The following ARMC2 variants were observed in gnomAD, a reference collection of about 807,000 sequenced individuals.
ARMC2 encodes the protein armadillo repeat containing 2.
In ARMC2, 67 loss-of-function variants were observed where a neutral mutation model predicts 90.3. That is an observed-to-expected ratio of 0.74 (90% CI 0.61 to 0.91). ARMC2 has a LOEUF of 0.91. ARMC2 is among the 40% of genes least tolerant of loss of function. The pLI is 0.00. For missense variants in ARMC2, 920 were observed against 1,030.9 expected (o/e 0.89, Z 1.47); for synonymous variants, 393 against 393.0 (o/e 1.00, Z 0.00).
chr6:108,932,774 C>CCT lies in ARMC2; in HGVS notation c.1497-4126_1497-4125insCT, dbSNP rs1562403496. On this transcript the variant is annotated intron_variant, in intron 11 of 17. Transcript: ENST00000392644. The stretch of plus-strand genomic sequence containing the variant: ...CGATCTCCTGACCTCGTGATCTGCC[C>CCT]GCCTCGGCCTCCCAAAGTGCTGGGA... 5.4e-3 allele frequency among the ~76,000 whole-genome samples: 823 copies of CCT among 151,388 alleles called. 18 individuals are homozygous for CCT. The highest frequency in any genetic ancestry group is 0.019 in the African/African-American group (790 of 40,890).
chr6:109,009,213 G>A, the ARMC2 span: 2 of 837,178 alleles, frequency 2.4e-6, no homozygotes, highest in Admixed American at 4.3e-5. Context: ...CTCCCCGGGA[G>A]CCCGCCCTAT....
chr6:108,999,567 T>TAACA, the ARMC2 span, among the ~76,000 whole-genome samples: 1 of 152,116 alleles, frequency 6.6e-6, no homozygotes, highest in Non-Finnish European at 1.5e-5. Flanking sequence ...TAAAGATGCA[T>TAACA]AACAATGAGA....
intron 1 of ARMC2, among the ~76,000 whole-genome samples, chr6:108,850,207 A>C (rs1304658358): frequency 2.0e-5 from 3 of 152,208 alleles, no homozygotes; most frequent in Admixed American, 6.5e-5. Context: ...CAAATTTCCT[A>C]CTGCTGGTGG....
At chr6:108,890,957 C>T (rs1260151295) in intron 5 of ARMC2, among the ~76,000 whole-genome samples, 2 of 117,564 alleles carry the variant, frequency 1.7e-5, no homozygotes, top group Non-Finnish European at 3.2e-5. Flanking sequence ...TCTCTGTGTT[C>T]ATGTGTTCTC....
intron 10 of ARMC2, among the ~76,000 whole-genome samples, chr6:108,926,426 A>G (rs1037001614): frequency 1.3e-5 from 2 of 152,228 alleles, no homozygotes; most frequent in Non-Finnish European, 2.9e-5. Context: ...ATTAGTCTTC[A>G]CAAAAGATCT....
rs147323539 is a variant in ARMC2 at position 108,863,079 on chromosome 6, C to T, written c.291+4808C>T. Among the ~76,000 whole-genome samples the T allele has an allele frequency of 1.0e-3, 152 of 152,302 alleles. No homozygotes were observed. The Middle Eastern group carries it at 0.01, about 10-fold the overall frequency. Reference sequence around the variant, plus strand: ...TCCTGATTGCTCAGGCCCTGCCCTCCAGCCCGACTTGCCCAGGGGGTTCCT... The same window carrying T: ...TCCTGATTGCTCAGGCCCTGCCCTCTAGCCCGACTTGCCCAGGGGGTTCCT... On this transcript the variant is annotated intron_variant, in intron 3 of 17. Transcript: ENST00000392644.
intron 3 of ARMC2, among the ~76,000 whole-genome samples, chr6:108,864,720 G>A (rs1033995645): frequency 9.2e-5 from 14 of 152,182 alleles, no homozygotes; most frequent in African/African-American, 3.4e-4. Flanking sequence ...GGGAGACCCT[G>A]TTGGGTGATC....
intron 3 of ARMC2, among the ~76,000 whole-genome samples, chr6:108,864,592 T>C (rs1775618903): frequency 6.6e-6 from 1 of 152,146 alleles, no homozygotes; most frequent in African/African-American, 2.4e-5. Context: ...TCAAGGTGTC[T>C]TTTGTTGCGT....
the ARMC2 span, chr6:109,009,583 A>C: frequency 2.2e-5 from 24 of 1,070,856 alleles, no homozygotes; most frequent in East Asian, 2.0e-4. Flanking sequence ...CCGACAAACA[A>C]GCCGCGCGGC....
At chr6:108,957,113 C>T (rs890075718) in intron 13 of ARMC2, among the ~76,000 whole-genome samples, 1 of 152,220 alleles carries the variant, frequency 6.6e-6, no homozygotes, top group Non-Finnish European at 1.5e-5. Context: ...ACCCTGCTCT[C>T]CTGTGATGGG....
chr6:109,050,915 G>A, the ARMC2 span, among the ~76,000 whole-genome samples: 2 of 152,142 alleles, frequency 1.3e-5, no homozygotes, highest in East Asian at 3.8e-4. Flanking sequence ...CTTAGGTAGG[G>A]GGAATGTGGT....
the ARMC2 span, among the ~76,000 whole-genome samples, chr6:108,981,016 A>G: frequency 6.6e-6 from 1 of 152,120 alleles, no homozygotes; most frequent in Non-Finnish European, 1.5e-5. Context: ...GCCTTATTGT[A>G]GTCCATAATG....
chr6:108,923,663 G>A (rs995428072), intron 10 of ARMC2, among the ~76,000 whole-genome samples: 1 of 147,426 alleles, frequency 6.8e-6, no homozygotes, highest in Non-Finnish European at 1.5e-5. Flanking sequence ...AAGGCCACTG[G>A]TCTGAGCATT....
At chr6:108,869,448 C>G (rs1299421618) in intron 4 of ARMC2, among the ~76,000 whole-genome samples, 2 of 152,076 alleles carry the variant, frequency 1.3e-5, no homozygotes, top group African/African-American at 4.8e-5. Flanking sequence ...GTGGAGGTTG[C>G]AGTGAGCTGA....
chr6:108,961,475 G>T, intron 13 of ARMC2, 97 bp from the exon 14 acceptor site: 4 of 1,358,768 alleles, frequency 2.9e-6, no homozygotes, highest in Non-Finnish European at 3.9e-6. Context: ...CTGCGTGATC[G>T]CAGCCGGCTC....
At chr6:108,975,924 G>A (rs1267697017), downstream of ARMC2, among the ~76,000 whole-genome samples, 1 of 152,138 alleles carries the variant, frequency 6.6e-6, no homozygotes, top group East Asian at 1.9e-4. Context: ...TGGATAGACT[G>A]CAAAAATTTT....
chr6:108,979,730 A>G, the ARMC2 span, among the ~76,000 whole-genome samples: 1 of 151,072 alleles, frequency 6.6e-6, no homozygotes, highest in Non-Finnish European at 1.5e-5. Context: ...TTCTTGCTTT[A>G]TTTCATTGAG....
chr6:108,911,035 G>T (rs1412609929), intron 9 of ARMC2, 34 bp downstream of exon 9: 2 of 1,289,828 alleles, frequency 1.6e-6, no homozygotes, highest in Admixed American at 2.3e-5. Flanking sequence ...TTGAGCAAAT[G>T]CTGTACTTGA....
At chr6:108,994,140 TAAAAAA>T in the ARMC2 span, among the ~76,000 whole-genome samples, 1 of 100,266 alleles carries the variant, frequency 1.0e-5, no homozygotes, top group Non-Finnish European at 2.0e-5. Flanking sequence ...CCCTGTTTCT[TAAAAAA>T]AAAAAAAAAA....
Sources: allele counts gnomAD v4.1 joint callset (sites outside exome capture counted in the v4.1 genomes callset), GRCh38; gene constraint gnomAD v4.1.1; transcripts MANE v1.5; gene names NCBI Gene and HGNC (gene_info 2026-07-23, HGNC 2026-07-21).